Variants in MAP2K1 observed in about 807,000 individuals in gnomAD.
MAP2K1 encodes mitogen-activated protein kinase kinase 1, also known as dual specificity mitogen-activated protein kinase kinase 1.
In MAP2K1, 16 loss-of-function variants were observed where a neutral mutation model predicts 46.3. The observed-to-expected ratio is 0.35, with a 90% CI of 0.23 to 0.52. MAP2K1 has a LOEUF of 0.52. MAP2K1 is among the 20% of genes least tolerant of loss of function. MAP2K1 has a pLI of 0.94. For missense variants in MAP2K1, 263 were observed against 497.1 expected (o/e 0.53, Z 4.48); for synonymous variants, 183 against 185.6 (o/e 0.99, Z 0.11).
chr15:66,396,706 CAG>C (rs2093368453), intron 1 of MAP2K1, among the ~76,000 whole-genome samples: 2 of 151,914 alleles, frequency 1.3e-5, no homozygotes, highest in African/African-American at 4.8e-5. Context: ...TTTTTTGAGA[CAG>C]AGTTTTGCTC....
At chr15:66,463,460 C>T (rs1454791118) in intron 5 of MAP2K1, among the ~76,000 whole-genome samples, 2 of 151,752 alleles carry the variant, frequency 1.3e-5, no homozygotes, top group Non-Finnish European at 2.9e-5. Flanking sequence ...ACAACATGTG[C>T]CCACGGTGGT....
chr15:66,442,554 T>C (rs2093507328), intron 3 of MAP2K1, among the ~76,000 whole-genome samples: 1 of 152,222 alleles, frequency 6.6e-6, no homozygotes. Context: ...TATGGTTTCA[T>C]TGTAATGTTG....
chr15:66,424,365 TG>T (rs2093451723), intron 1 of MAP2K1, among the ~76,000 whole-genome samples: 1 of 152,172 alleles, frequency 6.6e-6, no homozygotes, highest in African/African-American at 2.4e-5. Context: ...GCCCGTGTCT[TG>T]TAATTTTTGA....
chr15:66,433,533 A>G (rs2093480083), intron 1 of MAP2K1, among the ~76,000 whole-genome samples: 1 of 152,144 alleles, frequency 6.6e-6, no homozygotes, highest in African/African-American at 2.4e-5. Flanking sequence ...TCGGCCTTGC[A>G]TCTTCTTTGG....
chr15:66,468,953 C>G (rs1466036751), intron 5 of MAP2K1, among the ~76,000 whole-genome samples: 1 of 137,374 alleles, frequency 7.3e-6, no homozygotes, highest in East Asian at 2.2e-4. Context: ...GACTCCGTCT[C>G]AAAAAAAAAA....
chr15:66,457,781 G>A (rs1337135757), intron 5 of MAP2K1, among the ~76,000 whole-genome samples: 3 of 151,880 alleles, frequency 2.0e-5, no homozygotes, highest in Non-Finnish European at 4.4e-5. Flanking sequence ...GGCCAATGTG[G>A]TGAAACCCCG....
chr15:66,408,601 G>A (rs914694809), intron 1 of MAP2K1, among the ~76,000 whole-genome samples: 3 of 152,074 alleles, frequency 2.0e-5, no homozygotes, highest in African/African-American at 7.2e-5. Context: ...TTTGGGATGG[G>A]TAGTCACTGG....
chr15:66,464,616 C>T (rs1351119590), intron 5 of MAP2K1, among the ~76,000 whole-genome samples: 2 of 152,038 alleles, frequency 1.3e-5, no homozygotes, highest in African/African-American at 4.8e-5. Flanking sequence ...CCTCTGCCTT[C>T]CGGGTTCAAG....
At chr15:66,388,497 C>T (rs2093348422) in intron 1 of MAP2K1, among the ~76,000 whole-genome samples, 1 of 152,134 alleles carries the variant, frequency 6.6e-6, no homozygotes, top group Admixed American at 6.6e-5. Flanking sequence ...ACCTTATGCT[C>T]TTTGGTGATT....
chr15:66,472,457 A>G (rs1006897730), intron 5 of MAP2K1, among the ~76,000 whole-genome samples: 3 of 152,140 alleles, frequency 2.0e-5, no homozygotes, highest in African/African-American at 7.2e-5. Flanking sequence ...CTTCAATTAG[A>G]AAGTTCTGAG....
rs1298033161 is a variant in MAP2K1, at chr15:66,436,776, C to T, written c.322C>T (p.Arg108Trp). Residue 108 changes from arginine to tryptophan, a missense_variant, in exon 3 of 11, where the codon CGG becomes TGG. Arg to Trp is a moderately radical substitution (Grantham distance 101). Transcript: ENST00000307102. The stretch of plus-strand genomic sequence containing the variant: ...TCATCTGGAGATCAAACCCGCAATC[C>T]GGAACCAGATCATAAGGGAGCTGCA... The part of the protein sequence containing the change: ...LIHLEIKPAI[R>W]NQIIRELQVL... 6 of 1,614,070 alleles carry T rather than the reference C, an allele frequency of 3.7e-6. No homozygotes were observed. Among genetic ancestry groups the T allele is most frequent in the Non-Finnish European group, 4.2e-6 (5 of 1,180,038 alleles).
intron 5 of MAP2K1, among the ~76,000 whole-genome samples, chr15:66,470,939 T>G (rs1892618825): frequency 6.6e-6 from 1 of 152,206 alleles, no homozygotes; most frequent in South Asian, 2.1e-4. Context: ...AAGATGTTCC[T>G]TGGTTCTGTT....
intron 6 of MAP2K1, among the ~76,000 whole-genome samples, chr15:66,483,147 C>T (rs978308153): frequency 1.3e-5 from 2 of 152,194 alleles, no homozygotes; most frequent in African/African-American, 4.8e-5. Flanking sequence ...ACGCCCTTTG[C>T]ACAGCACACC....
At chr15:66,441,137 A>AT (rs1030261558) in intron 3 of MAP2K1, among the ~76,000 whole-genome samples, 2 of 151,740 alleles carry the variant, frequency 1.3e-5, no homozygotes, top group Non-Finnish European at 2.9e-5. Context: ...GCTAATTTTT[A>AT]TTTTTTGTAG....
chr15:66,490,575 T>G lies in MAP2K1; in HGVS notation c.1142T>G (p.Leu381Arg). ...FAGWLCSTIG[L>R]NQPSTPTHAA... ...GGTTGGCTCTGCTCCACCATCGGCC[T>G]TAACCAGCCCAGCACACCAACCCAT... The change falls in exon 11 of 11, where the codon CTT (leucine) becomes CGT (arginine). Residue 381 changes from leucine to arginine, a missense_variant. Physicochemically the swap from Leu to Arg is moderately radical, Grantham distance 102. This residue lies in a region of MAP2K1 where 118 missense variants were observed against 193.0 expected (regional missense o/e 0.61). Transcript: ENST00000307102. 2 of 1,614,222 alleles carry G rather than the reference T, an allele frequency of 1.2e-6. No homozygotes were observed. Among genetic ancestry groups the G allele is most frequent in the Non-Finnish European group, 1.7e-6 (2 of 1,180,034 alleles).
intron 8 of MAP2K1, chr15:66,488,876 A>G (rs1893143086): frequency 2.6e-6 from 1 of 389,906 alleles, no homozygotes; most frequent in African/African-American, 2.1e-5. Context: ...AGGGTCCCTG[A>G]GATCATTAGG....
chr15:66,488,927 T>C (rs1006060087), intron 8 of MAP2K1: 3 of 511,464 alleles, frequency 5.9e-6, no homozygotes, highest in Non-Finnish European at 1.1e-5. Context: ...CTGAGGCTCA[T>C]AGAGGAATAG....
At chr15:66,455,374 G>C (rs942007379) in intron 5 of MAP2K1, among the ~76,000 whole-genome samples, 1 of 152,152 alleles carries the variant, frequency 6.6e-6, no homozygotes, top group Non-Finnish European at 1.5e-5. Context: ...TCAAATAGAA[G>C]TTTTCATAGA....
intron 5 of MAP2K1, among the ~76,000 whole-genome samples, chr15:66,473,637 C>T (rs1010472399): frequency 3.3e-5 from 5 of 152,106 alleles, no homozygotes; most frequent in Non-Finnish European, 7.4e-5. Flanking sequence ...ACCTTTTGCT[C>T]TGGCTTTTGT....
Sources: gnomAD v4.1 joint callset for allele counts (sites outside exome capture counted in the v4.1 genomes callset) on GRCh38, gnomAD v4.1.1 for gene constraint, gnomAD v4.1.1 regional missense constraint, MANE v1.5 for transcripts, NCBI Gene and HGNC (gene_info 2026-07-23, HGNC 2026-07-21) for gene names.